Variants in MAP2K6 observed in about 807,000 individuals in gnomAD.
MAP2K6 encodes mitogen-activated protein kinase kinase 6.
A neutral mutation model predicts 53.7 loss-of-function variants in MAP2K6; 16 were observed. That is an observed-to-expected ratio of 0.30 (90% CI 0.20 to 0.45). MAP2K6 has a LOEUF of 0.45. Among genes scored for constraint, MAP2K6 ranks in the 20% least tolerant of loss-of-function variants. The pLI is 1.00. For missense variants in MAP2K6, 204 were observed against 411.9 expected (o/e 0.50, Z 4.37); for synonymous variants, 132 against 143.1 (o/e 0.92, Z 0.55).
intron 2 of MAP2K6, among the ~76,000 whole-genome samples, chr17:69,511,050 A>C (rs1262042932): frequency 3.9e-5 from 6 of 152,086 alleles, no homozygotes; most frequent in Admixed American, 3.9e-4. Context: ...CTTTTATATT[A>C]GTTTACATTA....
intron 2 of MAP2K6, among the ~76,000 whole-genome samples, chr17:69,514,686 C>T (rs560271170): frequency 2.6e-5 from 4 of 152,004 alleles, no homozygotes; most frequent in Non-Finnish European, 4.4e-5. Flanking sequence ...CTCAGCCTCC[C>T]GAATAGCTGG....
rs959969095 is a variant in MAP2K6 at position 69,547,869 on chromosome 17, G to T, written c.*6116G>T. The T allele has an allele frequency of 3.3e-5, 5 of 152,078 alleles. No individual in the cohort carries two copies. Among genetic ancestry groups the T allele is most frequent in the African/African-American group, 1.2e-4 (5 of 41,382 alleles). The allele number at this position is 152,078 out of a possible 1,614,324, so 9.4% of individuals were successfully genotyped here. ...ATTTGCATTTTCTTTCTTTCTTTCT[G>T]TAGTGTGGTTTATACACAAGGAGAA... On this transcript the variant is annotated 3_prime_UTR_variant, in exon 12 of 12. Coordinates refer to ENST00000590474, the MANE Select transcript of MAP2K6 (RefSeq NM_002758.4).
chr17:69,531,381 G>A (rs1911078475), intron 10 of MAP2K6, among the ~76,000 whole-genome samples: 1 of 149,928 alleles, frequency 6.7e-6, no homozygotes, highest in South Asian at 2.1e-4. Context: ...TCATACCCGT[G>A]CCAAGGAATC....
At chr17:69,521,806 C>CAAAAAAAAAAAAAAAAAAA in intron 7 of MAP2K6, 1 of 79,340 alleles carries the variant, frequency 1.3e-5, no homozygotes, top group Non-Finnish European at 2.6e-5. Flanking sequence ...GATAAATGTA[C>CAAAAAAAAAAAAAAAAAAA]AAAAAAAAAA....
rs1377562251 is a variant in MAP2K6, at chr17:69,547,061, A to C, written c.*5308A>C. On this transcript the variant is annotated 3_prime_UTR_variant, in exon 12 of 12. Coordinates refer to ENST00000590474, the MANE Select transcript of MAP2K6 (RefSeq NM_002758.4). The stretch of plus-strand genomic sequence containing the variant: ...CACTGTTAAATGTGCTGACAGCTAA[A>C]GATGCTCTTTGGGTTTTTTTTTTGG... The C allele has an allele frequency of 6.6e-6, 1 of 151,948 alleles. No homozygotes were observed. Among genetic ancestry groups the C allele is most frequent in the Admixed American group, 6.6e-5 (1 of 15,252 alleles). 9.4% of individuals were successfully genotyped at this position (151,948 alleles called of 1,614,324 possible). A position where few individuals can be genotyped will look rare whatever the true frequency, so the allele number is the denominator to read the frequency against.
chr17:69,527,224 G>A (rs1034858425), intron 10 of MAP2K6, among the ~76,000 whole-genome samples: 3 of 152,222 alleles, frequency 2.0e-5, no homozygotes, highest in African/African-American at 7.2e-5. Context: ...AGGAAGTAGA[G>A]GCAAAGAATT....
chr17:69,435,885 C>T (rs921387389), intron 1 of MAP2K6, among the ~76,000 whole-genome samples: 1 of 152,030 alleles, frequency 6.6e-6, no homozygotes, highest in Non-Finnish European at 1.5e-5. Flanking sequence ...CTAGGCTGGT[C>T]TCGAACTTTT....
chr17:69,536,458 C>T (rs905150838), intron 11 of MAP2K6, among the ~76,000 whole-genome samples: 3 of 152,084 alleles, frequency 2.0e-5, no homozygotes, highest in African/African-American at 7.2e-5. Context: ...TATGAGAAGC[C>T]TCATATTACT....
chr17:69,451,143 A>T (rs991778653), intron 1 of MAP2K6, among the ~76,000 whole-genome samples: 2 of 152,228 alleles, frequency 1.3e-5, no homozygotes, highest in Non-Finnish European at 2.9e-5. Context: ...GCAAACAATT[A>T]GAGTTAACAA....
At chr17:69,448,653 C>T (rs181831547) in intron 1 of MAP2K6, among the ~76,000 whole-genome samples, 76 of 152,156 alleles carry the variant, frequency 5.0e-4, no homozygotes, top group African/African-American at 1.8e-3. Context: ...GTGGCTCACT[C>T]TTTTAGCCAT....
At chr17:69,422,163 G>C (rs1017892498) in intron 1 of MAP2K6, among the ~76,000 whole-genome samples, 1 of 102,156 alleles carries the variant, frequency 9.8e-6, no homozygotes, top group African/African-American at 3.9e-5. Flanking sequence ...ATGGGGTCTT[G>C]CTCTGTCACC....
At chr17:69,503,877 A>G (rs1221166262) in intron 1 of MAP2K6, among the ~76,000 whole-genome samples, 1 of 152,210 alleles carries the variant, frequency 6.6e-6, no homozygotes, top group Admixed American at 6.5e-5. Context: ...ACAATTGAGA[A>G]AACTGAGAGT....
intron 9 of MAP2K6, 46 bp from the exon 10 acceptor site, chr17:69,526,524 G>A: frequency 6.3e-7 from 1 of 1,597,728 alleles, no homozygotes. Context: ...ATTCCCTAAA[G>A]CAGCCCTGTT....
Position 69,440,253 on chromosome 17 carries a change from A to C in MAP2K6, c.16+25253A>C, listed in dbSNP as rs145346167. On this transcript the variant is annotated intron_variant, in intron 1 of 11. Coordinates refer to ENST00000590474, the MANE Select transcript of MAP2K6 (RefSeq NM_002758.4). ...AGTAGAGACAGGGTTTCACTGTGTT[A>C]GCCAGGCTGGTCTGGAACTCCTGAC... Among the ~76,000 whole-genome samples the C allele has an allele frequency of 7.3e-3, 1,116 of 152,198 alleles. 10 individuals are homozygous for C. The highest frequency in any genetic ancestry group is 0.037 in the Middle Eastern group (11 of 294).
At chr17:69,445,268 G>A (rs1360011755) in intron 1 of MAP2K6, among the ~76,000 whole-genome samples, 3 of 152,206 alleles carry the variant, frequency 2.0e-5, no homozygotes, top group East Asian at 1.9e-4. Context: ...CCGAGGTAGA[G>A]GAAGGAAACT....
chr17:69,487,048 T>C (rs969329730), intron 1 of MAP2K6, among the ~76,000 whole-genome samples: 1 of 152,230 alleles, frequency 6.6e-6, no homozygotes, highest in African/African-American at 2.4e-5. Context: ...AAACAGTTTC[T>C]GGTAAACAGT....
At chr17:69,449,231 G>C (rs1004158824) in intron 1 of MAP2K6, among the ~76,000 whole-genome samples, 3 of 152,028 alleles carry the variant, frequency 2.0e-5, no homozygotes, top group Non-Finnish European at 2.9e-5. Context: ...CCAGGACATA[G>C]AGTTAATACT....
chr17:69,514,890 T>C (rs1401489463), intron 2 of MAP2K6, among the ~76,000 whole-genome samples: 1 of 152,146 alleles, frequency 6.6e-6, no homozygotes, highest in African/African-American at 2.4e-5. Flanking sequence ...ATTTTATTTA[T>C]GTATTCAATT....
At chr17:69,426,000 A>G (rs970130013) in intron 1 of MAP2K6, among the ~76,000 whole-genome samples, 32 of 152,202 alleles carry the variant, frequency 2.1e-4, no homozygotes, top group Admixed American at 7.8e-4. Flanking sequence ...CTCTGCATAT[A>G]CCTAAAAAGA....
Sources: allele counts gnomAD v4.1 joint callset (sites outside exome capture counted in the v4.1 genomes callset), GRCh38; gene constraint gnomAD v4.1.1; transcripts MANE v1.5; gene names NCBI Gene and HGNC (gene_info 2026-07-23, HGNC 2026-07-21).